Variants in MGAM observed in about 807,000 individuals in gnomAD.
MGAM encodes the protein maltase-glucoamylase.
In MGAM, 253 loss-of-function variants were observed where a neutral mutation model predicts 358.8. The ratio of observed to expected loss-of-function variants is 0.71; its 90% CI spans 0.64 to 0.78. The LOEUF (loss-of-function observed/expected upper bound fraction) is 0.78. Among genes scored for constraint, MGAM ranks in the 30% least tolerant of loss-of-function variants. MGAM has a pLI of 0.00. For missense variants in MGAM, 3,080 were observed against 3,432.6 expected (o/e 0.90, Z 2.57); for synonymous variants, 1,105 against 1,227.1 (o/e 0.90, Z 2.08).
At chr7:142,068,768 G>A (rs1366780200) in intron 43 of MGAM, 65 bp downstream of exon 43, 6 of 1,265,028 alleles carry the variant, frequency 4.7e-6, no homozygotes, top group Non-Finnish European at 6.8e-6. Flanking sequence ...CTTTAGGTCC[G>A]ATAGACCTTA....
chr7:142,023,266 GT>G (rs1554459710), intron 7 of MGAM, among the ~76,000 whole-genome samples: 5 of 152,006 alleles, frequency 3.3e-5, no homozygotes, highest in African/African-American at 1.2e-4. Context: ...GTTTCGCCAT[GT>G]TGTTCAGGCT....
intron 69 of MGAM, 108 bp downstream of exon 69, chr7:142,102,787 G>A: frequency 9.2e-7 from 1 of 1,091,982 alleles, no homozygotes; most frequent in South Asian, 1.4e-5. Flanking sequence ...TGCTCATCTT[G>A]CTAATTCACA....
At chr7:142,030,620 T>C (rs782568908) in intron 11 of MGAM, 21 bp from the exon 12 acceptor site, 7 of 1,604,224 alleles carry the variant, frequency 4.4e-6, no homozygotes, top group Non-Finnish European at 6.0e-6. Flanking sequence ...AGTTTGTTCA[T>C]TGTATTCTTC....
At chr7:142,095,948 T>A in intron 64 of MGAM, 1 of 716,538 alleles carries the variant, frequency 1.4e-6, no homozygotes. Flanking sequence ...TAGAATAATT[T>A]CTTTCTAATT....
chr7:142,060,350 C>G lies in MGAM; in HGVS notation c.4099C>G (p.Leu1367Val), dbSNP rs769336095. The change falls in exon 34 of 71, where the codon CTA becomes GTA. Residue 1367 changes from leucine (L) to valine (V), a missense_variant. Leu to Val is a conservative substitution (Grantham distance 32). Coordinates refer to ENST00000475668, the MANE Select transcript of MGAM (RefSeq NM_001365693.1). ...TCCTGATGTTGTTGTGAATGGGTCT[C>G]TAGACTGGGACAGCCAAGTGGAGGT... is the stretch of plus-strand genomic sequence containing the variant. ...DFPDVVVNGSLDWDSQVELYR... is the reference protein window; with the variant it reads ...DFPDVVVNGSVDWDSQVELYR... 3.7e-6 allele frequency: 6 copies of G among 1,614,052 alleles called. No homozygotes were observed. The East Asian group carries it at 8.9e-5, about 24-fold the overall frequency.
intron 47 of MGAM, 24 bp downstream of exon 47, chr7:142,076,850 G>T (rs751048310): frequency 6.5e-7 from 1 of 1,541,914 alleles, no homozygotes. Flanking sequence ...TTGTTGAGAT[G>T]GTACATTGAG....
chr7:142,038,655 C>A (rs752997393), intron 19 of MGAM, 40 bp downstream of exon 19: 1 of 1,420,350 alleles, frequency 7.0e-7, no homozygotes, highest in South Asian at 1.3e-5. Flanking sequence ...ATCTCTGCAT[C>A]TGTATCTGCT....
At chr7:142,003,428 A>G (rs1422744389) in intron 1 of MGAM, among the ~76,000 whole-genome samples, 1 of 151,994 alleles carries the variant, frequency 6.6e-6, no homozygotes, top group Non-Finnish European at 1.5e-5. Flanking sequence ...ACCTACAATC[A>G]ACTGATTCTT....
intron 21 of MGAM, among the ~76,000 whole-genome samples, chr7:142,042,050 A>T (rs372368456): frequency 5.0e-5 from 3 of 60,252 alleles, no homozygotes; most frequent in African/African-American, 2.5e-4. Flanking sequence ...TATAATATAT[A>T]ATATATATAC....
At position 142,076,225 on chromosome 7, in the gene MGAM, T is replaced by C. The variant is rs761080939; in HGVS notation, c.5298T>C (p.Tyr1766=). 6 of 1,548,024 alleles carry C rather than the reference T, an allele frequency of 3.9e-6. No homozygotes were observed. The African/African-American group carries it at 4.0e-5, about 10-fold the overall frequency. Residue 1766 remains tyrosine (Y), a synonymous_variant, in exon 46 of 71, where the codon TAT becomes TAC. Coordinates refer to ENST00000475668, the MANE Select transcript of MGAM (RefSeq NM_001365693.1). The stretch of plus-strand genomic sequence containing the variant: ...CAGATACTGTGGCCAAGAAAGTATA[T>C]CTTTTATGTGAGTTTTCTGTCACTC... ...QTKDTVAKKV[Y]LLCEFSVTQN... is the part of the protein sequence containing the mutation.
At chr7:142,088,992 G>GTATATATC (rs1468943382) in intron 57 of MGAM, among the ~76,000 whole-genome samples, 3 of 64,380 alleles carry the variant, frequency 4.7e-5, no homozygotes, top group African/African-American at 1.9e-4. Flanking sequence ...ATGTATGTAT[G>GTATATATC]TATGTATCTA....
Position 142,066,085 on chromosome 7 carries a change from T to A in MGAM, c.4770+254T>A, listed in dbSNP as rs1306503596. Reference sequence around the variant, plus strand: ...CTAAAGCGATTGTCCCACGTCAGCCTTCTGAATAGCTGGGATAAAGGCACA... The same window carrying A: ...CTAAAGCGATTGTCCCACGTCAGCCATCTGAATAGCTGGGATAAAGGCACA... On this transcript the variant is annotated intron_variant, in intron 40 of 70. Coordinates refer to ENST00000475668, the MANE Select transcript of MGAM (RefSeq NM_001365693.1). Among the ~76,000 whole-genome samples the A allele has an allele frequency of 3.5e-5, 5 of 144,564 alleles. 2 individuals are homozygous for A. The highest frequency in any genetic ancestry group is 7.8e-5 in the Non-Finnish European group (5 of 63,902). The allele number at this position is 144,564 out of a possible 152,430, so 94.8% of individuals were successfully genotyped here. A position where few individuals can be genotyped will look rare whatever the true frequency, so the allele number is the denominator to read the frequency against.
chr7:142,021,563 C>G, intron 5 of MGAM, 23 bp from the exon 6 acceptor site: 1 of 1,608,070 alleles, frequency 6.2e-7, no homozygotes, highest in South Asian at 1.1e-5. Flanking sequence ...TTTGGCTTTC[C>G]TTCTATTTCT....
chr7:142,022,007 A>T (rs1343024702), intron 6 of MGAM, among the ~76,000 whole-genome samples: 1 of 151,988 alleles, frequency 6.6e-6, no homozygotes, highest in East Asian at 1.9e-4. Flanking sequence ...TTTACTGAAC[A>T]TCTCCTATCG....
In MGAM at chr7:142,021,009, C is replaced by A; in HGVS notation, c.484C>A (p.Pro162Thr). The A allele has an allele frequency of 6.2e-7, 1 of 1,613,614 alleles. No homozygotes were observed. Among genetic ancestry groups the A allele is most frequent in the South Asian group, 1.1e-5 (1 of 91,062 alleles). ...TARLKNLPSSPVFGSNVDNVL... is the reference protein window; with the variant it reads ...TARLKNLPSSTVFGSNVDNVL... ...CCGGTTGAAAAATCTGCCTTCTTCA[C>A]CAGTGTTTGGAAGCAATGTTGACAA... The change falls in exon 5 of 71, where the codon CCA becomes ACA. Residue 162 changes from proline (P) to threonine (T), a missense_variant. Coordinates refer to ENST00000475668, the MANE Select transcript of MGAM (RefSeq NM_001365693.1).
chr7:142,100,131 A>G (rs1327520616), intron 67 of MGAM, among the ~76,000 whole-genome samples: 1 of 152,254 alleles, frequency 6.6e-6, no homozygotes, highest in African/African-American at 2.4e-5. Context: ...ATCAAAGTCT[A>G]TGTATAAATT....
chr7:142,020,151 G>T (rs1806309148), intron 4 of MGAM, among the ~76,000 whole-genome samples: 1 of 152,066 alleles, frequency 6.6e-6, no homozygotes, highest in Admixed American at 6.6e-5. Context: ...CTTTAGGGAG[G>T]CTCTCGGTAT....
At chr7:142,045,009 TATATA>T (rs1400295790) in intron 21 of MGAM, among the ~76,000 whole-genome samples, 20 of 105,404 alleles carry the variant, frequency 1.9e-4, no homozygotes, top group African/African-American at 6.2e-4. Context: ...TAATATATGA[TATATA>T]ATATGTATAT....
chr7:141,996,675 AG>A (rs782683529), intron 1 of MGAM, among the ~76,000 whole-genome samples: 2 of 152,244 alleles, frequency 1.3e-5, no homozygotes, highest in Admixed American at 6.5e-5. Flanking sequence ...ATGTAACTGA[AG>A]AACCAATTAT....
Sources: allele counts gnomAD v4.1 joint callset (sites outside exome capture counted in the v4.1 genomes callset), GRCh38; gene constraint gnomAD v4.1.1; transcripts MANE v1.5; gene names NCBI Gene and HGNC (gene_info 2026-07-23, HGNC 2026-07-21).